SQSTM1: variants seen among roughly 807,000 people sequenced by gnomAD.
SQSTM1 encodes sequestosome-1.
Under a neutral mutation model 45.1 loss-of-function variants are expected in SQSTM1, and 36 were observed. The ratio of observed to expected loss-of-function variants is 0.80; its 90% CI spans 0.61 to 1.05. The LOEUF (loss-of-function observed/expected upper bound fraction) is 1.05, where lower values mean the gene tolerates loss of function less well. SQSTM1 is among the 50% of genes least tolerant of loss of function. The probability of loss-of-function intolerance (pLI) is 0.00; values close to 1 mark genes in which losing one functional copy is unlikely to be tolerated. For missense variants in SQSTM1, 617 were observed against 607.1 expected (o/e 1.02, Z -0.17); for synonymous variants, 290 against 244.3 (o/e 1.19, Z -1.74).
rs143956614 is a variant in SQSTM1, at chr5:179,833,725, T to C, written c.1108T>C (p.Ser370Pro). The change falls in exon 7 of 8, where the codon TCC becomes CCC. Residue 370 changes from serine to proline, a missense_variant. Coordinates refer to ENST00000389805, the MANE Select transcript of SQSTM1 (RefSeq NM_003900.5). The stretch of plus-strand genomic sequence containing the variant: ...CGAAGGGCCAAGCTCTCTGGACCCC[T>C]CCCAGGAGGGACCCACAGGGCTGAA... ...ESEGPSSLDP[S>P]QEGPTGLKEA... 589 of 1,614,078 alleles carry C rather than the reference T, an allele frequency of 3.6e-4. 5 individuals are homozygous for C. In the African/African-American group the frequency reaches 7.1e-3, roughly 20 times the overall value.
intron 5 of SQSTM1, among the ~76,000 whole-genome samples, chr5:179,831,262 C>T (rs1037470099): frequency 5.9e-5 from 9 of 152,212 alleles, no homozygotes; most frequent in Admixed American, 2.6e-4. Flanking sequence ...CAGCAAGCGG[C>T]ACTCTCTATG....
chr5:179,826,941 T>C (rs1561600243), intron 5 of SQSTM1, among the ~76,000 whole-genome samples: 1 of 152,056 alleles, frequency 6.6e-6, no homozygotes, highest in Non-Finnish European at 1.5e-5. Context: ...GAGGTCATGA[T>C]TGAGAGATCG....
Position 179,837,585 on chromosome 5 carries a change from T to C in SQSTM1, c.*992T>C. Reference sequence around the variant, plus strand: ...GCCCGAGGAAGCTGGACAGCGGCAGTGGGCCTGCTGAGGCCTTCTCTTGAG... The same window carrying C: ...GCCCGAGGAAGCTGGACAGCGGCAGCGGGCCTGCTGAGGCCTTCTCTTGAG... On this transcript the variant is annotated 3_prime_UTR_variant, in exon 8 of 8. Coordinates refer to ENST00000389805, the MANE Select transcript of SQSTM1 (RefSeq NM_003900.5). 1 of 1,614,162 alleles carries C rather than the reference T, an allele frequency of 6.2e-7. No homozygotes were observed. Among genetic ancestry groups the C allele is most frequent in the Non-Finnish European group, 8.5e-7 (1 of 1,179,984 alleles).
intron 1 of SQSTM1, among the ~76,000 whole-genome samples, chr5:179,808,669 T>C (rs1757293237): frequency 6.7e-6 from 1 of 150,014 alleles, no homozygotes; most frequent in Non-Finnish European, 1.5e-5. Context: ...ATACAAAAAA[T>C]TAGCCGGGTG....
At chr5:179,836,061 T>C (rs1373939696) in intron 7 of SQSTM1, 1 of 359,650 alleles carries the variant, frequency 2.8e-6, no homozygotes, top group Non-Finnish European at 5.3e-6. Context: ...TTCATCTCTC[T>C]CCATCTTCAA....
intron 5 of SQSTM1, among the ~76,000 whole-genome samples, chr5:179,827,531 G>A (rs767763024): frequency 2.6e-5 from 4 of 152,268 alleles, no homozygotes; most frequent in African/African-American, 7.2e-5. Context: ...TGATCCACCC[G>A]CCTCAGCCTC....
intron 7 of SQSTM1, among the ~76,000 whole-genome samples, chr5:179,834,589 C>G (rs369012766): frequency 1.3e-4 from 19 of 151,696 alleles, no homozygotes; most frequent in East Asian, 3.9e-4. Context: ...TCCCTGGGTA[C>G]TTGAGATTAG....
At chr5:179,830,918 A>AT (rs1758184465) in intron 5 of SQSTM1, among the ~76,000 whole-genome samples, 2 of 151,982 alleles carry the variant, frequency 1.3e-5, no homozygotes, top group South Asian at 4.1e-4. Flanking sequence ...GCCCAGGCCG[A>AT]TTTTGAACTC....
At chr5:179,826,541 T>C (rs1757995160) in intron 5 of SQSTM1, among the ~76,000 whole-genome samples, 1 of 152,028 alleles carries the variant, frequency 6.6e-6, no homozygotes, top group Admixed American at 6.6e-5. Context: ...CACGCATGGC[T>C]TCTGTACTAG....
intron 1 of SQSTM1, among the ~76,000 whole-genome samples, chr5:179,809,936 C>T (rs1479674593): frequency 6.6e-6 from 1 of 151,062 alleles, no homozygotes; most frequent in Non-Finnish European, 1.5e-5. Flanking sequence ...GAGCCACCGG[C>T]GGCGCCCAGC....
At chr5:179,810,896 G>A (rs13360957) in intron 1 of SQSTM1, among the ~76,000 whole-genome samples, 103,994 of 151,834 alleles carry the variant, frequency 0.68, 38,702 homozygotes, top group Non-Finnish European at 0.82. Context: ...ATGTGTCTGC[G>A]GGCCAACAAT....
At chr5:179,836,036 T>G in intron 7 of SQSTM1, 2 of 303,022 alleles carry the variant, frequency 6.6e-6, no homozygotes, top group South Asian at 7.1e-5. Context: ...ACCTCCAAAA[T>G]GTATCTTGTA....
chr5:179,833,152 A>AC lies in SQSTM1; in HGVS notation c.879dup (p.Ser294GlnfsTer8). 3.1e-6 allele frequency: 5 copies of AC among 1,614,094 alleles called. No homozygotes were observed. Among genetic ancestry groups the AC allele is most frequent in the Non-Finnish European group, 4.2e-6 (5 of 1,179,986 alleles). ...TCACAGCCAAGCAGCTGCTGCTCTG[A>AC]CCCCAGCAAGCCGGGTGGGAATGTT... is the stretch of plus-strand genomic sequence containing the variant. On this transcript the variant is annotated frameshift_variant, in exon 6 of 8. Coordinates refer to ENST00000389805, the MANE Select transcript of SQSTM1 (RefSeq NM_003900.5). LOFTEE classifies it high-confidence loss of function.
At chr5:179,822,647 G>A in intron 1 of SQSTM1, 1 of 394,770 alleles carries the variant, frequency 2.5e-6, no homozygotes, top group Non-Finnish European at 4.9e-6. Context: ...GAATGAGGTG[G>A]CACGTTTCTG....
chr5:179,835,789 T>G (rs1758521377), intron 7 of SQSTM1: 1 of 161,482 alleles, frequency 6.2e-6, no homozygotes, highest in Non-Finnish European at 1.4e-5. Flanking sequence ...TGAATTACTT[T>G]ACTTAGGATA....
intron 5 of SQSTM1, among the ~76,000 whole-genome samples, chr5:179,832,430 C>T (rs527288982): frequency 7.9e-5 from 12 of 152,354 alleles, no homozygotes; most frequent in South Asian, 4.1e-4. Context: ...AGCGCCTGCA[C>T]GGCCCATCCA....
At chr5:179,832,646 C>T (rs11957064) in intron 5 of SQSTM1, among the ~76,000 whole-genome samples, 2,551 of 152,288 alleles carry the variant, frequency 0.017, 96 homozygotes, top group African/African-American at 0.059. Context: ...AGGTCTCTTT[C>T]GACTTTCTGG....
intron 6 of SQSTM1, 73 bp downstream of exon 6, chr5:179,833,319 T>C: frequency 1.4e-6 from 2 of 1,399,968 alleles, no homozygotes; most frequent in Non-Finnish European, 2.0e-6. Flanking sequence ...CTCCGCCTCA[T>C]CCTCAGCACC....
intron 5 of SQSTM1, among the ~76,000 whole-genome samples, chr5:179,826,875 C>A (rs10071544): frequency 6.6e-6 from 1 of 151,878 alleles, no homozygotes; most frequent in Non-Finnish European, 1.5e-5. Context: ...GCCACCGAGC[C>A]CGGCCAAGAA....
Sources: gnomAD v4.1 joint callset for allele counts (sites outside exome capture counted in the v4.1 genomes callset) on GRCh38, gnomAD v4.1.1 for gene constraint, MANE v1.5 for transcripts, NCBI Gene and HGNC (gene_info 2026-07-23, HGNC 2026-07-21) for gene names.